The following PIGL variants were observed in gnomAD, a reference collection of about 807,000 sequenced individuals.
PIGL encodes the protein N-acetylglucosaminyl-phosphatidylinositol de-N-acetylase.
A neutral mutation model predicts 31.1 loss-of-function variants in PIGL; 22 were observed. The observed-to-expected ratio is 0.71, with a 90% CI of 0.51 to 1.01. PIGL has a LOEUF of 1.01. Ranked by LOEUF, PIGL falls within the 50% of genes least tolerant of loss-of-function variation. PIGL has a pLI of 0.00. For missense variants in PIGL, 302 were observed against 315.9 expected (o/e 0.96, Z 0.33); for synonymous variants, 131 against 117.4 (o/e 1.12, Z -0.75).
At chr17:16,238,020 A>C (rs2092706701) in intron 2 of PIGL, among the ~76,000 whole-genome samples, 1 of 151,728 alleles carries the variant, frequency 6.6e-6, no homozygotes, top group African/African-American at 2.4e-5. Flanking sequence ...ACATGGTGAA[A>C]CTCCATCTCT....
At chr17:16,257,223 C>T (rs1318845510) in intron 2 of PIGL, among the ~76,000 whole-genome samples, 1 of 152,102 alleles carries the variant, frequency 6.6e-6, no homozygotes, top group Non-Finnish European at 1.5e-5. Context: ...TCGAGACTAG[C>T]CTGGCCAACA....
chr17:16,251,544 C>T (rs2092771883), intron 2 of PIGL, among the ~76,000 whole-genome samples: 1 of 151,696 alleles, frequency 6.6e-6, no homozygotes, highest in Non-Finnish European at 1.5e-5. Flanking sequence ...GAGGAGCTCA[C>T]CCAAGTAAAT....
intron 4 of PIGL, 119 bp from the exon 5 acceptor site, chr17:16,316,562 C>T (rs1244035234): frequency 3.1e-6 from 3 of 960,876 alleles, no homozygotes; most frequent in African/African-American, 3.2e-5. Context: ...AAAGAAACCA[C>T]CTGGAGACTC....
chr17:16,310,050 C>G (rs1381613268), intron 3 of PIGL, among the ~76,000 whole-genome samples: 1 of 128,018 alleles, frequency 7.8e-6, no homozygotes, highest in Non-Finnish European at 1.6e-5. Flanking sequence ...TGCACTCTAG[C>G]TTGGGCAACA....
chr17:16,316,923 T>C (rs1256723926), intron 5 of PIGL: 2 of 1,346,646 alleles, frequency 1.5e-6, no homozygotes, highest in Admixed American at 5.6e-5. Context: ...TCTGGATGAG[T>C]GGGGAGGCCA....
intron 2 of PIGL, among the ~76,000 whole-genome samples, chr17:16,284,341 C>G (rs905925824): frequency 3.9e-5 from 6 of 152,144 alleles, no homozygotes; most frequent in Non-Finnish European, 7.4e-5. Context: ...TCCCAAAGTG[C>G]TGGGATTACA....
chr17:16,305,744 G>C (rs774147704), intron 3 of PIGL, among the ~76,000 whole-genome samples: 8 of 152,188 alleles, frequency 5.3e-5, no homozygotes, highest in Non-Finnish European at 1.0e-4. Context: ...GATGGCAACA[G>C]CCTGGGAGTT....
chr17:16,293,684 T>C (rs1290702409), intron 2 of PIGL, among the ~76,000 whole-genome samples: 4 of 152,192 alleles, frequency 2.6e-5, no homozygotes, highest in African/African-American at 9.7e-5. Context: ...TTGCATAGGG[T>C]AGAAGCACAA....
chr17:16,226,364 T>C (rs1407779528), intron 1 of PIGL, among the ~76,000 whole-genome samples: 1 of 152,190 alleles, frequency 6.6e-6, no homozygotes, highest in Non-Finnish European at 1.5e-5. Context: ...ACATATGGTA[T>C]ATCCATGTGA....
At chr17:16,225,555 ATTT>A (rs367944546) in intron 1 of PIGL, among the ~76,000 whole-genome samples, 1 of 138,336 alleles carries the variant, frequency 7.2e-6, no homozygotes. Context: ...TGCCCGGCTA[ATTT>A]TTTTTTTTTT....
chr17:16,247,917 T>TCACTCTGTCGCCCAGGCTGGAGTAC (rs1434684198), intron 2 of PIGL, among the ~76,000 whole-genome samples: 9 of 152,034 alleles, frequency 5.9e-5, no homozygotes, highest in African/African-American at 2.2e-4. Flanking sequence ...AGATGGAGTC[T>TCACTCTGTCGCCCAGGCTGGAGTAC]CACTCTGTCG....
At chr17:16,283,807 G>A (rs997223070) in intron 2 of PIGL, among the ~76,000 whole-genome samples, 1 of 152,138 alleles carries the variant, frequency 6.6e-6, no homozygotes, top group Non-Finnish European at 1.5e-5. Flanking sequence ...ATATGAGTAA[G>A]AACCCACTTA....
At chr17:16,222,202 T>C (rs980846996) in intron 1 of PIGL, among the ~76,000 whole-genome samples, 1 of 152,096 alleles carries the variant, frequency 6.6e-6, no homozygotes, top group Non-Finnish European at 1.5e-5. Flanking sequence ...GAAAGTACTA[T>C]GGACACAAAA....
Position 16,315,824 on chromosome 17 carries a change from G to A in PIGL, c.495-857G>A, listed in dbSNP as rs573585929. ...TCCGCCTCCTGCCTCAGCCTCCTGAGTAGCTGGGAACTACTGGTGCATGCC... is the reference window on the plus strand; with the variant it reads ...TCCGCCTCCTGCCTCAGCCTCCTGAATAGCTGGGAACTACTGGTGCATGCC... On this transcript the variant is annotated intron_variant, in intron 4 of 6. Transcript: ENST00000225609. Among the ~76,000 whole-genome samples, 619 of 144,602 alleles carry A rather than the reference G, an allele frequency of 4.3e-3. 1 individual carries two copies. Among genetic ancestry groups the A allele is most frequent in the Non-Finnish European group, 6.6e-3 (442 of 66,810 alleles). The allele number at this position is 144,602 out of a possible 152,430, so 94.9% of individuals were successfully genotyped here.
intron 2 of PIGL, among the ~76,000 whole-genome samples, chr17:16,245,822 T>A (rs1299803364): frequency 0.014 from 1,983 of 139,710 alleles, 33 homozygotes; most frequent in African/African-American, 0.039. Flanking sequence ...ATATATATAT[T>A]TTTTTTTGAG....
chr17:16,290,590 G>A (rs2092956348), intron 2 of PIGL, among the ~76,000 whole-genome samples: 1 of 151,950 alleles, frequency 6.6e-6, no homozygotes, highest in Non-Finnish European at 1.5e-5. Context: ...TAGAGATGTA[G>A]CTCAGAATGG....
intron 2 of PIGL, among the ~76,000 whole-genome samples, chr17:16,252,687 G>A (rs757010433): frequency 9.9e-5 from 15 of 151,996 alleles, no homozygotes; most frequent in South Asian, 2.1e-4. Context: ...CCATCCAAGT[G>A]AATGCTAGAT....
intron 2 of PIGL, among the ~76,000 whole-genome samples, chr17:16,281,241 A>G (rs1359471678): frequency 6.6e-6 from 1 of 152,206 alleles, no homozygotes; most frequent in Non-Finnish European, 1.5e-5. Flanking sequence ...ATTGGAAAAC[A>G]TTGCTGTAGA....
chr17:16,266,955 C>G (rs2092847021), intron 2 of PIGL, among the ~76,000 whole-genome samples: 1 of 148,244 alleles, frequency 6.7e-6, no homozygotes, highest in Non-Finnish European at 1.5e-5. Context: ...TCTCCTTGAT[C>G]TCTGAATTAT....
Sources: gnomAD v4.1 joint callset for allele counts (sites outside exome capture counted in the v4.1 genomes callset) on GRCh38, gnomAD v4.1.1 for gene constraint, MANE v1.5 for transcripts, NCBI Gene and HGNC (gene_info 2026-07-23, HGNC 2026-07-21) for gene names.